Variants in ERBB4 observed in about 807,000 individuals in gnomAD.
The protein encoded by ERBB4 is receptor tyrosine-protein kinase erbB-4.
Under a neutral mutation model 158.0 loss-of-function variants are expected in ERBB4, and 42 were observed. That is an observed-to-expected ratio of 0.27 (90% CI 0.21 to 0.34). The LOEUF (loss-of-function observed/expected upper bound fraction) is 0.34, where lower values mean the gene tolerates loss of function less well. ERBB4 is among the 10% of genes least tolerant of loss of function. The pLI is 1.00. For synonymous variants in ERBB4, 583 were observed against 558.7 expected (o/e 1.04, Z -0.61); for missense variants, 1,333 against 1,624.1 (o/e 0.82, Z 3.08).
In ERBB4 at chr2:212,189,085, G is replaced by T. The variant is rs868489868; in HGVS notation, c.83-64182C>A. 9.7e-3 allele frequency among the ~76,000 whole-genome samples: 1,335 copies of T among 137,342 alleles called. 22 individuals are homozygous for T. The highest frequency in any genetic ancestry group is 0.032 in the African/African-American group (1,227 of 38,048). 90.1% of individuals were successfully genotyped at this position (137,342 alleles called of 152,430 possible). A position where few individuals can be genotyped will look rare whatever the true frequency, so the allele number is the denominator to read the frequency against. On this transcript the variant is annotated intron_variant, in intron 1 of 27. Transcript: ENST00000342788. ...TTCAGATTTCTAACTTTTTTTTTGGGGGGGGGGGTGATTTTTGAATATTTG... is the reference window on the plus strand; with the variant it reads ...TTCAGATTTCTAACTTTTTTTTTGGTGGGGGGGGTGATTTTTGAATATTTG...
At chr2:211,428,706 C>G (rs146706895) in intron 21 of ERBB4, among the ~76,000 whole-genome samples, 1 of 151,922 alleles carries the variant, frequency 6.6e-6, no homozygotes, top group African/African-American at 2.4e-5. Flanking sequence ...ATGTACTATA[C>G]TTATTCATTT....
intron 5 of ERBB4, among the ~76,000 whole-genome samples, chr2:211,734,813 C>T (rs1015125015): frequency 1.4e-5 from 2 of 144,984 alleles, no homozygotes; most frequent in South Asian, 2.2e-4. Flanking sequence ...ACCAGCTACT[C>T]GGGAGGCTGA....
rs73071251 is a variant in ERBB4 at position 212,158,075 on chromosome 2, G to T, written c.83-33172C>A. Among the ~76,000 whole-genome samples the T allele has an allele frequency of 4.5e-3, 684 of 152,102 alleles. 7 individuals are homozygous for T. Among genetic ancestry groups the T allele is most frequent in the African/African-American group, 0.016 (648 of 41,498 alleles). ...TATTTGCCGAACACTTACTGAGTCT[G>T]GTCCCTGTGCTAAGTGTTTTGCATT... is the stretch of plus-strand genomic sequence containing the variant. On this transcript the variant is annotated intron_variant, in intron 1 of 27. Coordinates refer to ENST00000342788, the MANE Select transcript of ERBB4 (RefSeq NM_005235.3).
At chr2:211,855,892 T>C (rs2077845783) in intron 3 of ERBB4, among the ~76,000 whole-genome samples, 1 of 152,184 alleles carries the variant, frequency 6.6e-6, no homozygotes, top group African/African-American at 2.4e-5. Context: ...AATTTGCAGA[T>C]AAGATACTTA....
chr2:212,336,329 C>T (rs539844766), intron 1 of ERBB4, among the ~76,000 whole-genome samples: 12 of 151,998 alleles, frequency 7.9e-5, no homozygotes, highest in South Asian at 6.2e-4. Context: ...ATAAATACAC[C>T]ATCTCCCTTC....
At position 211,588,381 on chromosome 2, in the gene ERBB4, C is replaced by T. The variant is rs549142548; in HGVS notation, c.2302-26293G>A. 1.8e-3 allele frequency among the ~76,000 whole-genome samples: 273 copies of T among 152,006 alleles called. 1 individual carries two copies. The highest frequency in any genetic ancestry group is 6.3e-3 in the African/African-American group (262 of 41,506). ...AAATTAAAACAAAAAGTAATACGAG[C>T]AAACATAAATGCTTGGAACAAATGA... On this transcript the variant is annotated intron_variant, in intron 19 of 27. Coordinates refer to ENST00000342788, the MANE Select transcript of ERBB4 (RefSeq NM_005235.3).
intron 4 of ERBB4, among the ~76,000 whole-genome samples, chr2:211,775,706 G>T (rs1224581860): frequency 2.0e-5 from 3 of 152,154 alleles, no homozygotes; most frequent in Admixed American, 6.5e-5. Flanking sequence ...GAGGGTGATA[G>T]GCTGTGTGTA....
intron 5 of ERBB4, among the ~76,000 whole-genome samples, chr2:211,738,361 G>GTTT (rs10535592): frequency 7.1e-4 from 96 of 135,382 alleles, no homozygotes; most frequent in Non-Finnish European, 8.6e-4. Context: ...CTTTGTTTTT[G>GTTT]TTTTTTTTTT....
rs778058861 is a variant in ERBB4, at chr2:212,321,546, T to G, written c.83-196643A>C. Among the ~76,000 whole-genome samples, 61 of 150,440 alleles carry G rather than the reference T, an allele frequency of 4.1e-4. 3 individuals are homozygous for G. Among genetic ancestry groups the G allele is most frequent in the Admixed American group, 1.1e-3 (16 of 15,068 alleles). On this transcript the variant is annotated intron_variant, in intron 1 of 27. Transcript: ENST00000342788. ...TGTATTAAAAATACAACAAAACATT[T>G]TGATTAGCTGGGCATTGTGGCACAT...
intron 3 of ERBB4, among the ~76,000 whole-genome samples, chr2:211,903,998 G>A (rs1410330035): frequency 1.3e-5 from 2 of 152,008 alleles, no homozygotes; most frequent in Non-Finnish European, 2.9e-5. Context: ...CAAATTATTA[G>A]CTAAATATAG....
chr2:211,864,645 C>T (rs887068632), intron 3 of ERBB4, among the ~76,000 whole-genome samples: 5 of 152,114 alleles, frequency 3.3e-5, no homozygotes, highest in Non-Finnish European at 7.4e-5. Flanking sequence ...CCTTTTGAAT[C>T]TCTGCCATTA....
intron 20 of ERBB4, among the ~76,000 whole-genome samples, chr2:211,448,726 T>TA (rs2064172768): frequency 6.6e-6 from 1 of 152,126 alleles, no homozygotes; most frequent in Non-Finnish European, 1.5e-5. Flanking sequence ...CAAGAATAGG[T>TA]AAAATATTTT....
intron 3 of ERBB4, among the ~76,000 whole-genome samples, chr2:211,930,099 T>C (rs977391272): frequency 4.6e-5 from 7 of 152,178 alleles, no homozygotes; most frequent in African/African-American, 1.4e-4. Context: ...TTTTTTAACA[T>C]AGTTATGCTT....
intron 2 of ERBB4, among the ~76,000 whole-genome samples, chr2:212,059,929 A>T (rs949011913): frequency 7.2e-5 from 11 of 152,372 alleles, no homozygotes; most frequent in African/African-American, 2.2e-4. Context: ...AACAAAAGCC[A>T]AAATTGACAA....
chr2:211,717,007 G>A (rs993961838), intron 7 of ERBB4, among the ~76,000 whole-genome samples: 2 of 152,124 alleles, frequency 1.3e-5, no homozygotes, highest in Non-Finnish European at 2.9e-5. Context: ...ATCACTATAA[G>A]GGCTATAGTA....
chr2:211,727,863 TG>T (rs1321255393), intron 5 of ERBB4, among the ~76,000 whole-genome samples: 5 of 152,000 alleles, frequency 3.3e-5, no homozygotes, highest in African/African-American at 1.2e-4. Context: ...TTTTTTATTT[TG>T]TAAAAATAAG....
intron 19 of ERBB4, among the ~76,000 whole-genome samples, chr2:211,600,858 A>G (rs2068778464): frequency 6.6e-6 from 1 of 152,152 alleles, no homozygotes; most frequent in African/African-American, 2.4e-5. Flanking sequence ...ATTTAGCAGC[A>G]GACAAACTGA....
intron 2 of ERBB4, among the ~76,000 whole-genome samples, chr2:211,973,226 G>C (rs1398328102): frequency 1.3e-5 from 2 of 148,478 alleles, no homozygotes; most frequent in African/African-American, 2.5e-5. Flanking sequence ...TTTTGAAATG[G>C]AGTCTCGCTC....
intron 20 of ERBB4, among the ~76,000 whole-genome samples, chr2:211,437,048 T>C (rs974885466): frequency 6.6e-6 from 1 of 152,180 alleles, no homozygotes; most frequent in South Asian, 2.1e-4. Flanking sequence ...TTACACACCA[T>C]GGAGGGGAGT....
Sources: allele counts gnomAD v4.1 joint callset (sites outside exome capture counted in the v4.1 genomes callset), GRCh38; gene constraint gnomAD v4.1.1; transcripts MANE v1.5; gene names NCBI Gene and HGNC (gene_info 2026-07-23, HGNC 2026-07-21).